Variants in GNS observed in about 807,000 individuals in gnomAD.
The protein encoded by GNS is glucosamine (N-acetyl)-6-sulfatase.
GNS carries 40 observed loss-of-function variants against 69.7 expected under a neutral mutation model. That is an observed-to-expected ratio of 0.57 (90% CI 0.45 to 0.75). The LOEUF (loss-of-function observed/expected upper bound fraction) is 0.75, where lower values mean the gene tolerates loss of function less well. GNS is among the 30% of genes least tolerant of loss of function. GNS has a pLI of 0.00. For synonymous variants in GNS, 243 were observed against 251.6 expected (o/e 0.97, Z 0.32); for missense variants, 565 against 685.5 (o/e 0.82, Z 1.96).
chr12:64,749,187 C>A (rs1021028798), intron 2 of GNS, among the ~76,000 whole-genome samples: 7 of 150,066 alleles, frequency 4.7e-5, no homozygotes, highest in Non-Finnish European at 8.9e-5. Context: ...GATCCACCTG[C>A]CTCGGCCTCC....
At chr12:64,751,403 C>T (rs984432030) in intron 2 of GNS, among the ~76,000 whole-genome samples, 62 of 152,200 alleles carry the variant, frequency 4.1e-4, no homozygotes, top group Admixed American at 4.6e-4. Context: ...AATATTTTTA[C>T]CTCTTATTTC....
chr12:64,742,267 G>A (rs551996039), intron 6 of GNS, among the ~76,000 whole-genome samples: 93 of 152,272 alleles, frequency 6.1e-4, no homozygotes, highest in Non-Finnish European at 1.2e-3. Flanking sequence ...TGATTCGCCC[G>A]CCTTGGCCTC....
chr12:64,716,742 T>C lies in GNS; in HGVS notation c.1658A>G (p.Ter553TrpextTer16), dbSNP rs766745346. The C allele has an allele frequency of 5.6e-6, 9 of 1,598,322 alleles. No homozygotes were observed. The Admixed American group carries it at 1.2e-4, about 21-fold the overall frequency. The change falls in exon 14 of 14, where the codon TAG (stop) becomes TGG (tryptophan). Residue 553 changes from the stop codon to tryptophan (W), a stop_lost. Transcript: ENST00000258145. ...RTRRFSKHLL[*>W] is the part of the protein sequence containing the mutation. ...ATCTGCAGAGGCTGTGTGAGGTCGC[T>C]ACAGAAGATGTTTGGAAAATCTTCG...
At chr12:64,733,199 G>A (rs1470576897) in intron 9 of GNS, among the ~76,000 whole-genome samples, 2 of 149,370 alleles carry the variant, frequency 1.3e-5, no homozygotes, top group Non-Finnish European at 3.0e-5. Flanking sequence ...TCAGGAGGCT[G>A]AGGTAGGAGA....
intron 10 of GNS, among the ~76,000 whole-genome samples, chr12:64,723,469 T>C (rs556356217): frequency 6.6e-6 from 1 of 152,230 alleles, no homozygotes; most frequent in South Asian, 2.1e-4. Flanking sequence ...ATATGCTCTA[T>C]GTAAGAACTG....
At chr12:64,736,769 CA>C (rs1262721530) in intron 9 of GNS, among the ~76,000 whole-genome samples, 5 of 151,136 alleles carry the variant, frequency 3.3e-5, no homozygotes, top group African/African-American at 1.2e-4. Flanking sequence ...TCTCAAAAGA[CA>C]AAGAAAAGCT....
intron 13 of GNS, among the ~76,000 whole-genome samples, chr12:64,717,518 ATTTTTTT>A (rs57088346): frequency 1.5e-3 from 199 of 131,372 alleles, no homozygotes; most frequent in African/African-American, 3.2e-3. Context: ...CACCTGGCTA[ATTTTTTT>A]TTTTTTTTTT....
At chr12:64,726,023 A>G (rs1037457641) in intron 10 of GNS, among the ~76,000 whole-genome samples, 1 of 142,150 alleles carries the variant, frequency 7.0e-6, no homozygotes, top group Middle Eastern at 3.3e-3. Context: ...AAAAAAAAAG[A>G]AATAAACATA....
chr12:64,755,733 C>T (rs1289439142), intron 1 of GNS, among the ~76,000 whole-genome samples: 7 of 138,828 alleles, frequency 5.0e-5, no homozygotes, highest in African/African-American at 1.7e-4. Context: ...GGCTAGAGTG[C>T]GGTGGCACAA....
Position 64,716,526 on chromosome 12 carries a change from C to T in GNS, c.*215G>A. 1 of 608,172 alleles carries T rather than the reference C, an allele frequency of 1.6e-6. No homozygotes were observed. Among genetic ancestry groups the T allele is most frequent in the Non-Finnish European group, 3.0e-6 (1 of 334,160 alleles). The allele number at this position is 608,172 out of a possible 1,614,324, so 37.7% of individuals were successfully genotyped here. A position where few individuals can be genotyped will look rare whatever the true frequency, so the allele number is the denominator to read the frequency against. ...TGTCCTTGTCAGCTAAAGGAAGAGA[C>T]CAGAGACAGCCACTCCTGACACATG... On this transcript the variant is annotated 3_prime_UTR_variant, in exon 14 of 14. Transcript: ENST00000258145.
At position 64,721,490 on chromosome 12, in the gene GNS, C is replaced by T; in HGVS notation, c.1419+105G>A. 6.6e-6 allele frequency: 5 copies of T among 756,192 alleles called. No individual in the cohort carries two copies. In the East Asian group the frequency reaches 1.0e-4, roughly 15 times the overall value. 46.8% of individuals were successfully genotyped at this position (756,192 alleles called of 1,614,324 possible). On this transcript the variant is annotated intron_variant, in intron 12 of 13. Coordinates refer to ENST00000258145, the MANE Select transcript of GNS (RefSeq NM_002076.4). Reference sequence around the variant, plus strand: ...GAAGCACAGATAAGAAACACAACCTCTTCCCTAGGGAGCAGCCTTGGAATT... The same window carrying T: ...GAAGCACAGATAAGAAACACAACCTTTTCCCTAGGGAGCAGCCTTGGAATT...
intron 3 of GNS, among the ~76,000 whole-genome samples, chr12:64,747,454 C>T (rs545248491): frequency 2.0e-5 from 3 of 152,246 alleles, no homozygotes; most frequent in Non-Finnish European, 2.9e-5. Flanking sequence ...TAAATACATG[C>T]TCCTGGGACT....
At chr12:64,740,979 T>C (rs1344312719) in intron 6 of GNS, among the ~76,000 whole-genome samples, 2 of 152,188 alleles carry the variant, frequency 1.3e-5, no homozygotes, top group African/African-American at 4.8e-5. Context: ...AGGATGTCAC[T>C]GGGAAACTAC....
chr12:64,753,308 G>A (rs1870140812), intron 1 of GNS, among the ~76,000 whole-genome samples: 1 of 152,104 alleles, frequency 6.6e-6, no homozygotes, highest in South Asian at 2.1e-4. Context: ...TGGCAAGCAG[G>A]TGTACACAGA....
chr12:64,743,915 T>G (rs1869821460), intron 5 of GNS, among the ~76,000 whole-genome samples: 2 of 152,250 alleles, frequency 1.3e-5, no homozygotes, highest in African/African-American at 2.4e-5. Flanking sequence ...AGTAGTTTCA[T>G]GTATTCCCAA....
intron 1 of GNS, among the ~76,000 whole-genome samples, chr12:64,757,847 C>A (rs74099664): frequency 0.032 from 4,896 of 152,276 alleles, 297 homozygotes; most frequent in African/African-American, 0.11. Context: ...GGACACTGAG[C>A]TAGGGTGTGT....
chr12:64,739,371 T>C lies in GNS; in HGVS notation c.994+10A>G. On this transcript the variant is annotated intron_variant, in intron 8 of 13. Transcript: ENST00000258145. The stretch of plus-strand genomic sequence containing the variant: ...CAAAGATCACAGCAGTACCTACTCC[T>C]GCCTCTGACCTGTGTGATAGCCATT... The C allele has an allele frequency of 7.9e-7, 1 of 1,261,684 alleles. No individual in the cohort carries two copies. The highest frequency in any genetic ancestry group is 1.2e-6 in the Non-Finnish European group (1 of 857,458). The allele number at this position is 1,261,684 out of a possible 1,614,324, so 78.2% of individuals were successfully genotyped here.
intron 1 of GNS, among the ~76,000 whole-genome samples, chr12:64,756,393 G>A (rs539586801): frequency 6.6e-6 from 1 of 152,238 alleles, no homozygotes; most frequent in African/African-American, 2.4e-5. Flanking sequence ...TGGCATCCCC[G>A]AATGTCACCT....
chr12:64,738,264 C>G (rs1355769810), intron 8 of GNS, among the ~76,000 whole-genome samples: 2 of 152,174 alleles, frequency 1.3e-5, no homozygotes, highest in Non-Finnish European at 2.9e-5. Flanking sequence ...CCTGCCTTGG[C>G]CTCCCAAAGT....
Sources: allele counts gnomAD v4.1 joint callset (sites outside exome capture counted in the v4.1 genomes callset), GRCh38; gene constraint gnomAD v4.1.1; transcripts MANE v1.5; gene names NCBI Gene and HGNC (gene_info 2026-07-23, HGNC 2026-07-21).